The following POLR3G variants were observed in gnomAD, a reference collection of about 807,000 sequenced individuals.
POLR3G encodes the protein DNA-directed RNA polymerase III subunit RPC7.
In POLR3G, 28 loss-of-function variants were observed where a neutral mutation model predicts 30.1. The observed-to-expected ratio is 0.93, with a 90% CI of 0.69 to 1.27. POLR3G has a LOEUF of 1.27. Ranked by LOEUF, POLR3G falls within the 50% of genes most tolerant of loss-of-function variation. The pLI, the probability that POLR3G is intolerant of heterozygous loss-of-function variation, is 0.00. For synonymous variants in POLR3G, 79 were observed against 82.5 expected, an observed-to-expected ratio of 0.96 and a Z score of 0.23; for missense variants, 254 against 264.6, an observed-to-expected ratio of 0.96 and a Z score of 0.28.
chr5:90,512,333 CA>C lies in POLR3G; in HGVS notation c.*195del, dbSNP rs1455806691. ...TAAAAATTATTCCCTGACACTCTGA[CA>C]TTCCTTCTAAACACCTCTGCCATCT... On this transcript the variant is annotated 3_prime_UTR_variant, in exon 8 of 8. Coordinates refer to ENST00000651687, the MANE Select transcript of POLR3G (RefSeq NM_006467.3). 1 of 522,986 alleles carries C rather than the reference CA, an allele frequency of 1.9e-6. No individual in the cohort carries two copies. Among genetic ancestry groups the C allele is most frequent in the Non-Finnish European group, 3.5e-6 (1 of 283,934 alleles). The allele number at this position is 522,986 out of a possible 1,614,324, so 32.4% of individuals were successfully genotyped here.
upstream of POLR3G, chr5:90,474,618 A>C: frequency 5.7e-6 from 2 of 351,316 alleles, no homozygotes; most frequent in Non-Finnish European, 5.3e-6. Flanking sequence ...CTGCAGCAGA[A>C]TGGAGACTCA....
At position 90,512,526 on chromosome 5, in the gene POLR3G, G is replaced by A. The variant is rs1580225991; in HGVS notation, c.*387G>A. ...CATAATGGATTTCTATAACCTGAAA[G>A]TTGATATAATACAGCACGTGGAGCA... On this transcript the variant is annotated 3_prime_UTR_variant, in exon 8 of 8. Coordinates refer to ENST00000651687, the MANE Select transcript of POLR3G (RefSeq NM_006467.3). 6.1e-6 allele frequency: 1 copy of A among 165,008 alleles called. No individual in the cohort carries two copies. Among genetic ancestry groups the A allele is most frequent in the Admixed American group, 5.9e-5 (1 of 17,064 alleles). 10.2% of individuals were successfully genotyped at this position (165,008 alleles called of 1,614,324 possible). A position where few individuals can be genotyped will look rare whatever the true frequency, so the allele number is the denominator to read the frequency against.
At chr5:90,511,102 T>TC (rs1262941700) in intron 7 of POLR3G, among the ~76,000 whole-genome samples, 3 of 152,142 alleles carry the variant, frequency 2.0e-5, no homozygotes, top group African/African-American at 7.2e-5. Flanking sequence ...CTCATTCATC[T>TC]ACCCAATCCC....
intron 1 of POLR3G, among the ~76,000 whole-genome samples, chr5:90,477,119 C>T (rs868473556): frequency 2.0e-5 from 3 of 152,140 alleles, no homozygotes; most frequent in African/African-American, 4.8e-5. Context: ...GGCTTAAAAG[C>T]AGAGTAGTAC....
At position 90,512,121 on chromosome 5, in the gene POLR3G, G is replaced by A; in HGVS notation, c.654G>A (p.Met218Ile). The change falls in exon 8 of 8, where the codon ATG (methionine) becomes ATA (isoleucine). Residue 218 changes from methionine to isoleucine, a missense_variant. Coordinates refer to ENST00000651687, the MANE Select transcript of POLR3G (RefSeq NM_006467.3). ...DDFGADSDDNMDEATY is the reference protein window; with the variant it reads ...DDFGADSDDNIDEATY Reference sequence around the variant, plus strand: ...TTGGCGCAGACAGTGATGACAACATGGATGAGGCAACCTATTAGGCATGAA... The same window carrying A: ...TTGGCGCAGACAGTGATGACAACATAGATGAGGCAACCTATTAGGCATGAA... 6.2e-7 allele frequency: 1 copy of A among 1,602,594 alleles called. No homozygotes were observed. Among genetic ancestry groups the A allele is most frequent in the Admixed American group, 1.7e-5 (1 of 60,006 alleles).
chr5:90,502,654 TC>T (rs1249568576), intron 6 of POLR3G, among the ~76,000 whole-genome samples: 1 of 152,148 alleles, frequency 6.6e-6, no homozygotes, highest in Non-Finnish European at 1.5e-5. Flanking sequence ...ATGTCTTTTT[TC>T]AGAAGTATTT....
At chr5:90,507,329 C>T (rs951086539) in intron 7 of POLR3G, among the ~76,000 whole-genome samples, 1 of 152,178 alleles carries the variant, frequency 6.6e-6, no homozygotes, top group Non-Finnish European at 1.5e-5. Flanking sequence ...TGTCTTCATT[C>T]CATTTCAGCC....
chr5:90,496,034 C>T (rs948397862), intron 4 of POLR3G, among the ~76,000 whole-genome samples: 7 of 152,118 alleles, frequency 4.6e-5, no homozygotes, highest in Middle Eastern at 3.4e-3. Flanking sequence ...TGCAGTGGCA[C>T]GATATCGGCT....
chr5:90,491,826 A>T (rs1297728169), intron 3 of POLR3G, among the ~76,000 whole-genome samples: 3 of 152,292 alleles, frequency 2.0e-5, no homozygotes, highest in Middle Eastern at 3.4e-3. Flanking sequence ...GAATAAATTT[A>T]AAAAATGGGA....
At chr5:90,490,571 A>AT (rs10686849) in intron 3 of POLR3G, 25,095 of 313,264 alleles carry the variant, frequency 0.08, 78 homozygotes, top group South Asian at 0.11. Flanking sequence ...CTAACTTTTA[A>AT]TTTTTTTTTT....
chr5:90,509,293 T>C (rs1306516977), intron 7 of POLR3G, among the ~76,000 whole-genome samples: 1 of 152,190 alleles, frequency 6.6e-6, no homozygotes, highest in Non-Finnish European at 1.5e-5. Context: ...TTTCTTGCTG[T>C]AATCTCTCTG....
intron 7 of POLR3G, among the ~76,000 whole-genome samples, chr5:90,508,067 T>C (rs1411474121): frequency 6.6e-6 from 1 of 152,236 alleles, no homozygotes; most frequent in Non-Finnish European, 1.5e-5. Flanking sequence ...ATTGAGCATT[T>C]CTTGGGAATC....
At chr5:90,495,646 C>G in intron 3 of POLR3G, 31 bp from the exon 4 acceptor site, 2 of 1,595,868 alleles carry the variant, frequency 1.3e-6, no homozygotes, top group Non-Finnish European at 1.7e-6. Flanking sequence ...GTTGATTTTC[C>G]TAATGAGTTC....
rs1348273194 is a variant in POLR3G, at chr5:90,512,320, C to T, written c.*181C>T. On this transcript the variant is annotated 3_prime_UTR_variant, in exon 8 of 8. Transcript: ENST00000651687. ...ATACTAGTTACCTTAAAAATTATTC[C>T]CTGACACTCTGACATTCCTTCTAAA... is the stretch of plus-strand genomic sequence containing the variant. 4 of 540,940 alleles carry T rather than the reference C, an allele frequency of 7.4e-6. No individual in the cohort carries two copies. Among genetic ancestry groups the T allele is most frequent in the African/African-American group, 3.8e-5 (2 of 52,672 alleles). 33.5% of individuals were successfully genotyped at this position (540,940 alleles called of 1,614,324 possible).
Position 90,512,423 on chromosome 5 carries a change from GCT to G in POLR3G, c.*289_*290del. On this transcript the variant is annotated 3_prime_UTR_variant, in exon 8 of 8. Coordinates refer to ENST00000651687, the MANE Select transcript of POLR3G (RefSeq NM_006467.3). ...ATATGAATGTGCCTAAAGAATTTTT[GCT>G]CTCTTAATCTATGTATACATACTTG... 1 of 295,828 alleles carries G rather than the reference GCT, an allele frequency of 3.4e-6. No individual in the cohort carries two copies. Among genetic ancestry groups the G allele is most frequent in the South Asian group, 6.1e-5 (1 of 16,508 alleles). 18.3% of individuals were successfully genotyped at this position (295,828 alleles called of 1,614,324 possible).
intron 1 of POLR3G, among the ~76,000 whole-genome samples, chr5:90,478,886 T>C (rs1036966218): frequency 1.3e-5 from 2 of 152,126 alleles, no homozygotes; most frequent in Middle Eastern, 3.4e-3. Flanking sequence ...TAAAAAGTCC[T>C]GATGCTTAAA....
At chr5:90,475,842 G>A (rs1165332784) in intron 1 of POLR3G, among the ~76,000 whole-genome samples, 1 of 152,176 alleles carries the variant, frequency 6.6e-6, no homozygotes, top group Non-Finnish European at 1.5e-5. Context: ...CTCCCGAGGA[G>A]CTGAGGTTAC....
chr5:90,483,149 A>AAC (rs1361569029), intron 1 of POLR3G, among the ~76,000 whole-genome samples: 1 of 151,454 alleles, frequency 6.6e-6, no homozygotes, highest in African/African-American at 2.4e-5. Context: ...GTCTCAAAAA[A>AAC]AAAAAAAAAA....
At chr5:90,500,729 A>G (rs1221412802) in intron 5 of POLR3G, among the ~76,000 whole-genome samples, 1 of 152,122 alleles carries the variant, frequency 6.6e-6, no homozygotes, top group Non-Finnish European at 1.5e-5. Flanking sequence ...ATAACACAGT[A>G]AATTGTAATT....
Sources: allele counts gnomAD v4.1 joint callset (sites outside exome capture counted in the v4.1 genomes callset), GRCh38; gene constraint gnomAD v4.1.1; transcripts MANE v1.5; gene names NCBI Gene and HGNC (gene_info 2026-07-23, HGNC 2026-07-21).